COL3A1: variants seen among roughly 807,000 people sequenced by gnomAD.
COL3A1 encodes the protein collagen type III alpha 1 chain.
In COL3A1, 46 loss-of-function variants were observed where a neutral mutation model predicts 200.9. The ratio of observed to expected loss-of-function variants is 0.23; its 90% CI spans 0.18 to 0.29. COL3A1 has a LOEUF of 0.29. COL3A1 is among the 10% of genes least tolerant of loss of function. The pLI, the probability that COL3A1 is intolerant of heterozygous loss-of-function variation, is 1.00. For missense variants in COL3A1, 1,367 were observed against 1,917.6 expected (o/e 0.71, Z 5.36); for synonymous variants, 650 against 628.0 (o/e 1.03, Z -0.52).
Position 188,998,666 on chromosome 2 carries a change from T to C in COL3A1, c.1978-8T>C. The C allele has an allele frequency of 6.2e-7, 1 of 1,613,710 alleles. No homozygotes were observed. The highest frequency in any genetic ancestry group is 8.5e-7 in the Non-Finnish European group (1 of 1,179,720). On this transcript the variant is annotated splice_region_variant and splice_polypyrimidine_tract_variant and intron_variant, in intron 28 of 50. Coordinates refer to ENST00000304636, the MANE Select transcript of COL3A1 (RefSeq NM_000090.4). ...TATGGGCCTAATCATATAATGCCAATCTCCCAGGGTCCAAAGGGTGATGCC... is the reference window on the plus strand; with the variant it reads ...TATGGGCCTAATCATATAATGCCAACCTCCCAGGGTCCAAAGGGTGATGCC...
At position 188,985,085 on chromosome 2, in the gene COL3A1, C is replaced by T. The variant is rs181543165; in HGVS notation, c.283-112C>T. The T allele has an allele frequency of 3.7e-4, 528 of 1,410,144 alleles. 1 individual carries two copies. The Middle Eastern group carries it at 0.011, about 30-fold the overall frequency. The allele number at this position is 1,410,144 out of a possible 1,614,324, so 87.4% of individuals were successfully genotyped here. A position where few individuals can be genotyped will look rare whatever the true frequency, so the allele number is the denominator to read the frequency against. On this transcript the variant is annotated intron_variant, in intron 2 of 50. Coordinates refer to ENST00000304636, the MANE Select transcript of COL3A1 (RefSeq NM_000090.4). ...TCATCAAATAGCCATGTTTGTATTA[C>T]GAGTAAAAAGTGACCGTTTCAATTT... is the stretch of plus-strand genomic sequence containing the variant.
intron 35 of COL3A1, among the ~76,000 whole-genome samples, chr2:189,002,563 G>A (rs1459342625): frequency 6.6e-6 from 1 of 152,178 alleles, no homozygotes; most frequent in Non-Finnish European, 1.5e-5. Context: ...TTATGACTGG[G>A]TAATGAACTA....
At chr2:188,991,842 C>A in intron 13 of COL3A1, 120 bp downstream of exon 13, 1 of 958,022 alleles carries the variant, frequency 1.0e-6, no homozygotes, top group Non-Finnish European at 1.7e-6. Context: ...AAATTATACT[C>A]AATGATACTG....
At chr2:188,985,882 G>C (rs1296826083) in intron 4 of COL3A1, 104 bp downstream of exon 4, 6 of 781,714 alleles carry the variant, frequency 7.7e-6, no homozygotes, top group Admixed American at 4.1e-5. Flanking sequence ...CTTTGTATCT[G>C]TTCTCTGATT....
At position 189,003,971 on chromosome 2, in the gene COL3A1, A is replaced by C. The variant is rs1405364709; in HGVS notation, c.2662-11A>C. 2 of 1,601,440 alleles carry C rather than the reference A, an allele frequency of 1.2e-6. No homozygotes were observed. Among genetic ancestry groups the C allele is most frequent in the Admixed American group, 1.7e-5 (1 of 58,858 alleles). ...ATTATAAATATTCAAATTTCAAACA[A>C]TTATTTGTAGGGTAACCCAGGACCC... On this transcript the variant is annotated splice_polypyrimidine_tract_variant and intron_variant, in intron 38 of 50. Transcript: ENST00000304636.
chr2:188,993,913 A>G, intron 16 of COL3A1, 125 bp from the exon 17 acceptor site: 1 of 849,322 alleles, frequency 1.2e-6, no homozygotes, highest in Non-Finnish European at 2.0e-6. Flanking sequence ...TTATAGTTGG[A>G]GGATTCACTT....
At chr2:189,005,502 T>C in intron 41 of COL3A1, 45 bp downstream of exon 41, 1 of 1,523,858 alleles carries the variant, frequency 6.6e-7, no homozygotes, top group Non-Finnish European at 9.1e-7. Context: ...AATTTGATAA[T>C]TTATTTCAGC....
chr2:188,993,644 A>G (rs1688235286), intron 16 of COL3A1, among the ~76,000 whole-genome samples, 185 bp downstream of exon 16: 1 of 152,216 alleles, frequency 6.6e-6, no homozygotes, highest in South Asian at 2.1e-4. Context: ...GATTAGTAGT[A>G]AAAATGATAG....
At chr2:189,008,798 T>C in intron 47 of COL3A1, 126 bp from the exon 48 acceptor site, 3 of 1,074,556 alleles carry the variant, frequency 2.8e-6, no homozygotes, top group Non-Finnish European at 4.2e-6. Flanking sequence ...AATAAATCTT[T>C]AGTAAAATAA....
At chr2:189,002,817 T>A in intron 35 of COL3A1, 138 bp from the exon 36 acceptor site, 2 of 728,464 alleles carry the variant, frequency 2.7e-6, no homozygotes, top group Non-Finnish European at 4.9e-6. Context: ...TTTTGTCATG[T>A]CTTCAGAAAG....
chr2:189,002,990 A>G lies in COL3A1; in HGVS notation c.2481A>G (p.Arg827=), dbSNP rs1355382847. The G allele has an allele frequency of 1.3e-6, 2 of 1,551,668 alleles. No individual in the cohort carries two copies. Among genetic ancestry groups the G allele is most frequent in the East Asian group, 2.4e-5 (1 of 40,942 alleles). ...GTGAACCTGGTGGTAAAGGAGAAAGAGGGGCTCCGGGTGAGAAAGGTGAAG... is the reference window on the plus strand; with the variant it reads ...GTGAACCTGGTGGTAAAGGAGAAAGGGGGGCTCCGGGTGAGAAAGGTGAAG... The part of the protein sequence containing the change: ...QNGEPGGKGE[R]GAPGEKGEGG... Residue 827 remains arginine (R), a synonymous_variant, in exon 36 of 51, where the codon AGA becomes AGG. Coordinates refer to ENST00000304636, the MANE Select transcript of COL3A1 (RefSeq NM_000090.4).
chr2:188,985,114 GA>G (rs2153501401), intron 2 of COL3A1, 82 bp from the exon 3 acceptor site: 1 of 1,463,812 alleles, frequency 6.8e-7, no homozygotes, highest in Admixed American at 1.7e-5. Flanking sequence ...TCAATTTAAA[GA>G]TAAGGATTGG....
intron 1 of COL3A1, among the ~76,000 whole-genome samples, chr2:188,977,193 T>G (rs1383009183): frequency 6.6e-6 from 1 of 152,152 alleles, no homozygotes; most frequent in East Asian, 1.9e-4. Context: ...TTTTATTCAC[T>G]GCTTAATTGT....
intron 49 of COL3A1, 116 bp from the exon 50 acceptor site, chr2:189,010,532 C>A (rs974000229): frequency 1.1e-5 from 17 of 1,499,432 alleles, no homozygotes; most frequent in Admixed American, 3.4e-5. Flanking sequence ...ATAAAATACT[C>A]GTACATAAAA....
In COL3A1 at chr2:189,002,438, T is replaced by G. The variant is rs531419106; in HGVS notation, c.2445+87T>G. ...TTACAAAAGTATAGTCAAGTTTGGT[T>G]TCTAGTCTCATTTTAGCTGCTCATT... is the stretch of plus-strand genomic sequence containing the variant. On this transcript the variant is annotated intron_variant, in intron 35 of 50. Coordinates refer to ENST00000304636, the MANE Select transcript of COL3A1 (RefSeq NM_000090.4). 9.3e-5 allele frequency: 117 copies of G among 1,256,156 alleles called. 2 individuals carry two copies. The South Asian group carries it at 1.3e-3, about 14-fold the overall frequency. The allele number at this position is 1,256,156 out of a possible 1,614,324, so 77.8% of individuals were successfully genotyped here.
chr2:189,002,590 T>G (rs41263777), intron 35 of COL3A1, among the ~76,000 whole-genome samples: 358 of 152,346 alleles, frequency 2.3e-3, no homozygotes, highest in Non-Finnish European at 4.2e-3. Context: ...TATCATGGAT[T>G]TAAAAGCACT....
chr2:188,996,303 T>TAC (rs200204993), intron 23 of COL3A1, 95 bp from the exon 24 acceptor site: 1,648 of 774,916 alleles, frequency 2.1e-3, no homozygotes, highest in South Asian at 4.0e-3. Flanking sequence ...TATCTATATA[T>TAC]ATACACACAC....
At chr2:188,996,801 C>A (rs964735858) in intron 24 of COL3A1, among the ~76,000 whole-genome samples, 7 of 152,054 alleles carry the variant, frequency 4.6e-5, no homozygotes, top group Non-Finnish European at 1.0e-4. Flanking sequence ...CCAGCCTTGC[C>A]AACATGGTGA....
At chr2:188,980,561 T>C (rs16830965) in intron 1 of COL3A1, among the ~76,000 whole-genome samples, 3,200 of 150,782 alleles carry the variant, frequency 0.021, 85 homozygotes, top group East Asian at 0.08. Context: ...CAAGAAAATA[T>C]CTACAAATGA....
Sources: gnomAD v4.1 joint callset for allele counts (sites outside exome capture counted in the v4.1 genomes callset) on GRCh38, gnomAD v4.1.1 for gene constraint, MANE v1.5 for transcripts, NCBI Gene and HGNC (gene_info 2026-07-23, HGNC 2026-07-21) for gene names.